Variants in MAMDC2 observed in about 807,000 individuals in gnomAD.
MAMDC2 encodes MAM domain-containing protein 2.
A neutral mutation model predicts 89.8 loss-of-function variants in MAMDC2; 57 were observed. The ratio of observed to expected loss-of-function variants is 0.63; its 90% CI spans 0.51 to 0.79. The LOEUF (loss-of-function observed/expected upper bound fraction) is 0.79. Among genes scored for constraint, MAMDC2 ranks in the 30% least tolerant of loss-of-function variants. MAMDC2 has a pLI of 0.00. For synonymous variants in MAMDC2, 313 were observed against 293.4 expected, an observed-to-expected ratio of 1.07 and a Z score of -0.68; for missense variants, 800 against 820.6, an observed-to-expected ratio of 0.97 and a Z score of 0.31.
intron 11 of MAMDC2, among the ~76,000 whole-genome samples, chr9:70,180,844 G>A (rs2032631025): frequency 6.6e-6 from 1 of 152,136 alleles, no homozygotes; most frequent in African/African-American, 2.4e-5. Context: ...CTGTGCAGAA[G>A]CTCTTTAGTT....
intron 11 of MAMDC2, among the ~76,000 whole-genome samples, chr9:70,176,396 T>G (rs1378089744): frequency 6.6e-6 from 1 of 152,224 alleles, no homozygotes; most frequent in Non-Finnish European, 1.5e-5. Context: ...TTAAAAACTT[T>G]GAAAGATGCT....
chr9:70,178,506 G>C (rs1332577168), intron 11 of MAMDC2, among the ~76,000 whole-genome samples: 1 of 152,080 alleles, frequency 6.6e-6, no homozygotes, highest in Non-Finnish European at 1.5e-5. Flanking sequence ...AGTTTTGGGG[G>C]ATACATCCAA....
chr9:70,206,525 G>A (rs1424375210), intron 11 of MAMDC2, among the ~76,000 whole-genome samples: 2 of 152,068 alleles, frequency 1.3e-5, no homozygotes, highest in African/African-American at 4.8e-5. Context: ...GAAAAGTAGT[G>A]GGCATTTATA....
intron 5 of MAMDC2, among the ~76,000 whole-genome samples, chr9:70,119,317 G>T (rs978657857): frequency 6.6e-6 from 1 of 152,142 alleles, no homozygotes; most frequent in African/African-American, 2.4e-5. Context: ...CTAAAATAAG[G>T]TTAGAGTTAT....
chr9:70,177,669 C>T (rs1004482786), intron 11 of MAMDC2, among the ~76,000 whole-genome samples: 3 of 152,138 alleles, frequency 2.0e-5, no homozygotes, highest in African/African-American at 7.2e-5. Flanking sequence ...AAGTGCCTTT[C>T]CAGGGCCAGC....
At chr9:70,165,933 T>C (rs969029308) in intron 9 of MAMDC2, among the ~76,000 whole-genome samples, 5 of 152,166 alleles carry the variant, frequency 3.3e-5, no homozygotes, top group Admixed American at 6.6e-5. Flanking sequence ...TGATTCCTTT[T>C]TCTTGTGTCA....
chr9:70,080,454 C>T (rs555589038), intron 2 of MAMDC2, among the ~76,000 whole-genome samples: 2 of 152,284 alleles, frequency 1.3e-5, no homozygotes, highest in South Asian at 4.1e-4. Context: ...AAATAGTTGC[C>T]TAACAGTCTG....
At chr9:70,164,242 C>A (rs1484163419) in intron 9 of MAMDC2, among the ~76,000 whole-genome samples, 1 of 152,120 alleles carries the variant, frequency 6.6e-6, no homozygotes, top group Non-Finnish European at 1.5e-5. Context: ...AATTATCTGG[C>A]CCAAAACGTC....
intron 2 of MAMDC2, chr9:70,071,875 G>A (rs978592368): frequency 2.0e-5 from 3 of 152,194 alleles, no homozygotes; most frequent in Admixed American, 1.3e-4. Flanking sequence ...TGAAATTGGC[G>A]TTTCTCTTTA....
At chr9:70,057,381 G>A (rs1827046388) in intron 2 of MAMDC2, among the ~76,000 whole-genome samples, 1 of 152,168 alleles carries the variant, frequency 6.6e-6, no homozygotes, top group African/African-American at 2.4e-5. Flanking sequence ...GAGGATGAGG[G>A]TGACCTATGT....
chr9:70,089,168 A>C, intron 2 of MAMDC2: 1 of 152,188 alleles, frequency 6.6e-6, no homozygotes, highest in Admixed American at 6.5e-5. Context: ...CAGCTACACT[A>C]TTACCCCAGG....
intron 11 of MAMDC2, among the ~76,000 whole-genome samples, chr9:70,202,879 C>A (rs1373091360): frequency 6.7e-6 from 1 of 148,648 alleles, no homozygotes; most frequent in African/African-American, 2.5e-5. Context: ...GATTGCAACC[C>A]CTGCCTTTTT....
chr9:70,126,473 A>G (rs1363331476), intron 6 of MAMDC2, 58 bp downstream of exon 6: 4 of 1,550,732 alleles, frequency 2.6e-6, no homozygotes, highest in Non-Finnish European at 3.5e-6. Context: ...TGCCACCCAC[A>G]CACAGGGCTG....
intron 9 of MAMDC2, among the ~76,000 whole-genome samples, chr9:70,148,361 G>A (rs1297815697): frequency 6.7e-6 from 1 of 150,076 alleles, no homozygotes; most frequent in Non-Finnish European, 1.5e-5. Flanking sequence ...CCATCATCTT[G>A]GAGACAGCAT....
chr9:70,108,056 A>G (rs1828387526), intron 2 of MAMDC2, among the ~76,000 whole-genome samples, 155 bp from the exon 3 acceptor site: 1 of 152,220 alleles, frequency 6.6e-6, no homozygotes, highest in Non-Finnish European at 1.5e-5. Context: ...TTTTTTCAAA[A>G]GAGGCCAGTG....
intron 4 of MAMDC2, among the ~76,000 whole-genome samples, chr9:70,111,582 A>G (rs2118272456): frequency 6.6e-6 from 1 of 152,292 alleles, no homozygotes; most frequent in African/African-American, 2.4e-5. Flanking sequence ...TTTGCTTTTT[A>G]TTTTACTCTT....
intron 2 of MAMDC2, among the ~76,000 whole-genome samples, chr9:70,097,120 C>T (rs1034474657): frequency 6.6e-6 from 1 of 152,130 alleles, no homozygotes; most frequent in Non-Finnish European, 1.5e-5. Context: ...TCTCCCCAGG[C>T]CTCACTGTTT....
rs568797751 is a variant in MAMDC2, at chr9:70,176,321, C to T, written c.1651+5690C>T. ...ACATTATTTCTGGGTTATGTGGACACACTTTAGCTAACATAGTATTGCTTT... is the reference window on the plus strand; with the variant it reads ...ACATTATTTCTGGGTTATGTGGACATACTTTAGCTAACATAGTATTGCTTT... On this transcript the variant is annotated intron_variant, in intron 11 of 13. Coordinates refer to ENST00000377182, the MANE Select transcript of MAMDC2 (RefSeq NM_153267.5). Among the ~76,000 whole-genome samples, 5 of 152,330 alleles carry T rather than the reference C, an allele frequency of 3.3e-5. No homozygotes were observed. In the South Asian group the frequency reaches 1.0e-3, roughly 32 times the overall value.
At chr9:70,087,781 A>G (rs1412128643) in intron 2 of MAMDC2, among the ~76,000 whole-genome samples, 2 of 152,208 alleles carry the variant, frequency 1.3e-5, no homozygotes, top group Middle Eastern at 6.3e-3. Context: ...ACATGCATCT[A>G]CTGCAACATC....
Sources: gnomAD v4.1 joint callset for allele counts (sites outside exome capture counted in the v4.1 genomes callset) on GRCh38, gnomAD v4.1.1 for gene constraint, MANE v1.5 for transcripts, NCBI Gene and HGNC (gene_info 2026-07-23, HGNC 2026-07-21) for gene names.